Variants in ZFHX3 observed in about 807,000 individuals in gnomAD.
ZFHX3 encodes zinc finger homeobox 3, also known as zinc finger homeobox protein 3.
A neutral mutation model predicts 279.1 loss-of-function variants in ZFHX3; 42 were observed. The observed-to-expected ratio is 0.15, with a 90% CI of 0.12 to 0.19. ZFHX3 has a LOEUF of 0.19. ZFHX3 is among the 10% of genes least tolerant of loss of function. ZFHX3 has a pLI of 1.00. For synonymous variants in ZFHX3, 2,293 were observed against 1,957.8 expected (o/e 1.17, Z -4.52); for missense variants, 4,981 against 4,754.0 (o/e 1.05, Z -1.40).
chr16:73,008,041 T>A (rs57828240), intron 1 of ZFHX3, among the ~76,000 whole-genome samples: 1 of 152,084 alleles, frequency 6.6e-6, no homozygotes, highest in Non-Finnish European at 1.5e-5. Context: ...CCCAAATAGC[T>A]TTTAGATTTA....
At chr16:73,742,195 G>A (rs149430603) in intron 1 of ZFHX3, among the ~76,000 whole-genome samples, 403 of 152,234 alleles carry the variant, frequency 2.6e-3, no homozygotes, top group Non-Finnish European at 3.6e-3. Context: ...AGTTACAGCC[G>A]TTTTTGAACA....
At chr16:73,344,642 G>A (rs2143267137) in intron 3 of ZFHX3, among the ~76,000 whole-genome samples, 1 of 152,244 alleles carries the variant, frequency 6.6e-6, no homozygotes, top group Non-Finnish European at 1.5e-5. Flanking sequence ...GAAGCACAAA[G>A]CCAGCAATTT....
intron 7 of ZFHX3, among the ~76,000 whole-genome samples, chr16:73,096,545 G>T (rs1161492977): frequency 6.6e-6 from 1 of 151,530 alleles, no homozygotes; most frequent in Non-Finnish European, 1.5e-5. Flanking sequence ...TGGGATTATA[G>T]GTGTGCACCA....
intron 2 of ZFHX3, among the ~76,000 whole-genome samples, chr16:73,606,390 G>A (rs1246747396): frequency 6.6e-6 from 1 of 151,372 alleles, no homozygotes; most frequent in East Asian, 1.9e-4. Context: ...GGAGGCTGAG[G>A]CAGGAGAATC....
At chr16:73,163,705 G>T (rs554473346) in intron 5 of ZFHX3, among the ~76,000 whole-genome samples, 173 of 152,224 alleles carry the variant, frequency 1.1e-3, no homozygotes, top group African/African-American at 4.1e-3. Flanking sequence ...TATGTGAGGG[G>T]GTAGCTTTTT....
chr16:73,029,663 A>T (rs2144672396), intron 1 of ZFHX3, among the ~76,000 whole-genome samples: 1 of 152,272 alleles, frequency 6.6e-6, no homozygotes, highest in Admixed American at 6.5e-5. Flanking sequence ...CGGACAAACG[A>T]TTTGCTCACA....
At chr16:73,688,444 G>A (rs769520485) in intron 1 of ZFHX3, among the ~76,000 whole-genome samples, 1 of 151,784 alleles carries the variant, frequency 6.6e-6, no homozygotes, top group Non-Finnish European at 1.5e-5. Flanking sequence ...ATTAGGTCAT[G>A]AGGGACACCC....
chr16:73,247,387 G>C (rs866354616), intron 5 of ZFHX3, among the ~76,000 whole-genome samples: 27 of 152,022 alleles, frequency 1.8e-4, no homozygotes, highest in South Asian at 6.2e-4. Context: ...TGGAGTATAC[G>C]CGTGTGTGTA....
chr16:73,618,264 C>T (rs1474150277), intron 2 of ZFHX3, among the ~76,000 whole-genome samples: 1 of 152,158 alleles, frequency 6.6e-6, no homozygotes, highest in African/African-American at 2.4e-5. Flanking sequence ...CTTAAAAACC[C>T]GCTGGTGATT....
intron 5 of ZFHX3, among the ~76,000 whole-genome samples, chr16:73,198,967 A>C (rs1968211959): frequency 6.6e-6 from 1 of 152,268 alleles, no homozygotes; most frequent in Non-Finnish European, 1.5e-5. Flanking sequence ...AAAAAGAAAA[A>C]GAAATAAACA....
At chr16:73,348,088 G>T (rs752677530) in intron 3 of ZFHX3, among the ~76,000 whole-genome samples, 8 of 151,996 alleles carry the variant, frequency 5.3e-5, no homozygotes, top group Non-Finnish European at 4.4e-5. Context: ...TATAAACAAG[G>T]CCTCTCCATC....
At chr16:72,891,800 C>T (rs1386560068) in intron 3 of ZFHX3, among the ~76,000 whole-genome samples, 19 of 152,232 alleles carry the variant, frequency 1.2e-4, no homozygotes, top group Non-Finnish European at 4.4e-5. Flanking sequence ...AACCCCCAGC[C>T]CAGTCAGCCA....
chr16:73,726,631 G>C (rs528603367), intron 1 of ZFHX3, among the ~76,000 whole-genome samples: 104 of 152,298 alleles, frequency 6.8e-4, no homozygotes, highest in Non-Finnish European at 1.2e-3. Context: ...CTTCTGGGGA[G>C]GCCTCAGAGA....
intron 3 of ZFHX3, among the ~76,000 whole-genome samples, chr16:72,939,254 C>A (rs1173798576): frequency 6.6e-6 from 1 of 152,074 alleles, no homozygotes; most frequent in Non-Finnish European, 1.5e-5. Flanking sequence ...ACCCCCATCT[C>A]GAGGCACAGA....
chr16:73,264,237 T>C (rs2144971726), intron 4 of ZFHX3, among the ~76,000 whole-genome samples: 1 of 152,282 alleles, frequency 6.6e-6, no homozygotes, highest in Admixed American at 6.5e-5. Context: ...CCCTCTTCTT[T>C]TTATCCCTCA....
At chr16:73,191,145 T>A (rs1968021882) in intron 5 of ZFHX3, among the ~76,000 whole-genome samples, 1 of 152,082 alleles carries the variant, frequency 6.6e-6, no homozygotes, top group South Asian at 2.1e-4. Flanking sequence ...TCATCAGGAT[T>A]CTGTGGGCTT....
chr16:73,855,640 G>T (rs1263839740), intron 1 of ZFHX3, among the ~76,000 whole-genome samples: 1 of 152,162 alleles, frequency 6.6e-6, no homozygotes, highest in Non-Finnish European at 1.5e-5. Context: ...GAAAAACACA[G>T]ATTTAGTCAT....
chr16:73,191,959 A>C (rs1968048118), intron 5 of ZFHX3, among the ~76,000 whole-genome samples: 1 of 152,206 alleles, frequency 6.6e-6, no homozygotes, highest in South Asian at 2.1e-4. Context: ...AAACACATCA[A>C]ACATGCAGCA....
chr16:73,135,229 A>G (rs73593192), intron 6 of ZFHX3, among the ~76,000 whole-genome samples: 3,742 of 152,252 alleles, frequency 0.025, 164 homozygotes, highest in African/African-American at 0.084. Context: ...CTTTCTATGC[A>G]TCTATCCATC....
Sources: gnomAD v4.1 joint callset for allele counts (sites outside exome capture counted in the v4.1 genomes callset) on GRCh38, gnomAD v4.1.1 for gene constraint, MANE v1.5 for transcripts, NCBI Gene and HGNC (gene_info 2026-07-23, HGNC 2026-07-21) for gene names.